PDE4D: variants seen among roughly 807,000 people sequenced by gnomAD.
The protein encoded by PDE4D is 3',5'-cyclic-AMP phosphodiesterase 4D.
Under a neutral mutation model 87.4 loss-of-function variants are expected in PDE4D, and 24 were observed. The observed-to-expected ratio is 0.27, with a 90% CI of 0.20 to 0.39. The LOEUF (loss-of-function observed/expected upper bound fraction) is 0.39, where lower values mean the gene tolerates loss of function less well. PDE4D is among the 10% of genes least tolerant of loss of function. The probability of loss-of-function intolerance (pLI) is 1.00; values close to 1 mark genes in which losing one functional copy is unlikely to be tolerated. For missense variants in PDE4D, 714 were observed against 1,041.0 expected (o/e 0.69, Z 4.32); for synonymous variants, 384 against 383.2 (o/e 1.00, Z -0.02).
chr5:60,168,612 T>C (rs542052966), intron 2 of PDE4D, among the ~76,000 whole-genome samples: 1 of 152,326 alleles, frequency 6.6e-6, no homozygotes, highest in East Asian at 1.9e-4. Flanking sequence ...ATGTCCCTGA[T>C]ACAAAATGGC....
intron 1 of PDE4D, among the ~76,000 whole-genome samples, chr5:59,489,911 T>C (rs774921442): frequency 6.6e-6 from 1 of 152,222 alleles, no homozygotes; most frequent in Non-Finnish European, 1.5e-5. Flanking sequence ...ATAGTAATGA[T>C]AATAGTTATC....
Position 59,893,160 on chromosome 5 carries a change from C to T in PDE4D, c.455+8G>A, listed in dbSNP as rs911047617. 1.3e-6 allele frequency: 2 copies of T among 1,554,694 alleles called. No individual in the cohort carries two copies. Among genetic ancestry groups the T allele is most frequent in the East Asian group, 2.4e-5 (1 of 41,282 alleles). ...GCCTGAATGGGGGAGGGGGCGCTCT[C>T]CACTCACCGCCTGAGTCCCTGGAAC... On this transcript the variant is annotated splice_region_variant and intron_variant, in intron 1 of 14. Coordinates refer to ENST00000340635, the MANE Select transcript of PDE4D (RefSeq NM_001104631.2).
chr5:60,040,168 G>C (rs879333310), intron 2 of PDE4D, among the ~76,000 whole-genome samples: 1 of 152,092 alleles, frequency 6.6e-6, no homozygotes. Flanking sequence ...TTTGATTAGC[G>C]TCTAAGCAAA....
At chr5:59,790,732 C>T (rs1227314010) in intron 1 of PDE4D, among the ~76,000 whole-genome samples, 2 of 151,906 alleles carry the variant, frequency 1.3e-5, no homozygotes, top group Non-Finnish European at 2.9e-5. Flanking sequence ...ATCCCGTCTT[C>T]CTTCTTTATT....
In PDE4D at chr5:60,351,664, G is replaced by A. The variant is rs147639759; in HGVS notation, c.-90+136278C>T. On this transcript the variant is annotated intron_variant, in intron 1 of 16. Transcript: ENST00000502484. ...AGACTTCTTTTAACATAATAAACAC[G>A]TATGTCTGTATTTAATTCACTATTT... 2.1e-3 allele frequency among the ~76,000 whole-genome samples: 317 copies of A among 152,072 alleles called. 1 individual carries two copies. The highest frequency in any genetic ancestry group is 0.015 in the Admixed American group (234 of 15,268).
intron 1 of PDE4D, among the ~76,000 whole-genome samples, chr5:60,302,608 A>G (rs1463188673): frequency 6.6e-6 from 1 of 151,972 alleles, no homozygotes; most frequent in Non-Finnish European, 1.5e-5. Context: ...ATTATTTTCA[A>G]AACACCAGCT....
intron 2 of PDE4D, among the ~76,000 whole-genome samples, chr5:60,041,574 TG>T (rs1768484663): frequency 6.6e-6 from 1 of 151,820 alleles, no homozygotes; most frequent in Non-Finnish European, 1.5e-5. Flanking sequence ...AGAAGGCAGG[TG>T]ATTTCTGCAT....
chr5:59,816,076 T>C (rs778779859), intron 1 of PDE4D, among the ~76,000 whole-genome samples: 14 of 152,208 alleles, frequency 9.2e-5, no homozygotes, highest in Admixed American at 6.5e-5. Flanking sequence ...CAGTGAAGGG[T>C]TGGAAGTGTC....
At chr5:59,918,738 C>A (rs1045531226) in intron 3 of PDE4D, among the ~76,000 whole-genome samples, 4 of 152,134 alleles carry the variant, frequency 2.6e-5, no homozygotes, top group Non-Finnish European at 5.9e-5. Context: ...GAAGTTGCGA[C>A]CGTCAGTCTT....
chr5:59,536,888 AAATATAAT>A (rs1815371825), intron 1 of PDE4D, among the ~76,000 whole-genome samples: 6 of 152,212 alleles, frequency 3.9e-5, no homozygotes, highest in Non-Finnish European at 8.8e-5. Flanking sequence ...CTTCAGTTTT[AAATATAAT>A]ACTGTTCCAC....
intron 1 of PDE4D, among the ~76,000 whole-genome samples, chr5:59,393,026 TG>T (rs1187574118): frequency 6.6e-6 from 1 of 152,008 alleles, no homozygotes; most frequent in African/African-American, 2.4e-5. Context: ...GAGGATGGAT[TG>T]GATATTAAAA....
chr5:60,085,804 T>C (rs1034881484), intron 2 of PDE4D, among the ~76,000 whole-genome samples: 5 of 152,204 alleles, frequency 3.3e-5, no homozygotes, highest in Non-Finnish European at 7.3e-5. Flanking sequence ...TGAGTTTCTG[T>C]CACTTGTAAT....
chr5:59,311,726 G>C (rs949921477), intron 1 of PDE4D, among the ~76,000 whole-genome samples: 3 of 152,078 alleles, frequency 2.0e-5, no homozygotes, highest in African/African-American at 7.2e-5. Flanking sequence ...TCTGGCTAGA[G>C]AATGGAAGTA....
At chr5:60,075,458 C>A (rs887816161) in intron 2 of PDE4D, among the ~76,000 whole-genome samples, 1 of 152,114 alleles carries the variant, frequency 6.6e-6, no homozygotes, top group African/African-American at 2.4e-5. Context: ...ATCATTTCAA[C>A]CTTGGAGAAT....
intron 5 of PDE4D, among the ~76,000 whole-genome samples, chr5:59,163,106 A>C (rs1371676896): frequency 8.1e-6 from 1 of 123,024 alleles, no homozygotes; most frequent in African/African-American, 3.4e-5. Context: ...ATGCCTGGCT[A>C]CTTTTTTTTT....
chr5:59,543,479 CA>C (rs1384774833), intron 1 of PDE4D, among the ~76,000 whole-genome samples: 1 of 151,794 alleles, frequency 6.6e-6, no homozygotes, highest in Non-Finnish European at 1.5e-5. Flanking sequence ...GGGAAGTGGG[CA>C]AAAAGAGTCT....
At position 59,028,322 on chromosome 5, in the gene PDE4D, T is replaced by C. The variant is rs1218671861; in HGVS notation, c.921+10537A>G. On this transcript the variant is annotated intron_variant, in intron 6 of 14. Transcript: ENST00000340635. ...AATAAAACATTATAATAGTCCTCTT[T>C]GGTTAGTATCAATATTATTAGGTCA... Among the ~76,000 whole-genome samples, 3 of 152,032 alleles carry C rather than the reference T, an allele frequency of 2.0e-5. No homozygotes were observed. In the East Asian group the frequency reaches 5.8e-4, roughly 29 times the overall value.
At chr5:59,826,453 A>G (rs1234006777) in intron 1 of PDE4D, among the ~76,000 whole-genome samples, 2 of 152,130 alleles carry the variant, frequency 1.3e-5, no homozygotes, top group Non-Finnish European at 2.9e-5. Context: ...AATCTTATTC[A>G]TGTTCTTGCT....
At chr5:59,778,325 T>A (rs901495209) in intron 1 of PDE4D, among the ~76,000 whole-genome samples, 3 of 152,238 alleles carry the variant, frequency 2.0e-5, no homozygotes, top group South Asian at 2.1e-4. Flanking sequence ...AATCTATGGA[T>A]AACTGTAAAA....
Sources: gnomAD v4.1 joint callset for allele counts (sites outside exome capture counted in the v4.1 genomes callset) on GRCh38, gnomAD v4.1.1 for gene constraint, MANE v1.5 for transcripts, NCBI Gene and HGNC (gene_info 2026-07-23, HGNC 2026-07-21) for gene names.